ZNF665: variants seen among roughly 807,000 people sequenced by gnomAD.
The protein encoded by ZNF665 is zinc finger protein 665.
In ZNF665, 6 loss-of-function variants were observed where a neutral mutation model predicts 7.9. The observed-to-expected ratio is 0.76, with a 90% confidence interval of 0.42 to 1.50. The LOEUF (loss-of-function observed/expected upper bound fraction) is 1.50. Among genes scored for constraint, ZNF665 ranks in the 40% most tolerant of loss-of-function variants. ZNF665 has a pLI of 0.01. For synonymous variants in ZNF665, 242 were observed against 274.5 expected, an observed-to-expected ratio of 0.88 and a Z score of 1.17; for missense variants, 819 against 806.7, an observed-to-expected ratio of 1.02 and a Z score of -0.18.
intron 2 of ZNF665, among the ~76,000 whole-genome samples, chr19:53,176,357 AC>A (rs1312989879): frequency 8.5e-5 from 13 of 152,124 alleles, no homozygotes; most frequent in Non-Finnish European, 1.3e-4. Flanking sequence ...AGCATCTGGG[AC>A]AGATGATAAC....
chr19:53,189,339 GC>G (rs1437594264), intron 1 of ZNF665, among the ~76,000 whole-genome samples: 3 of 151,620 alleles, frequency 2.0e-5, no homozygotes, highest in Non-Finnish European at 4.4e-5. Flanking sequence ...TACCACCAAT[GC>G]ACGGAGACCG....
intron 3 of ZNF665, among the ~76,000 whole-genome samples, chr19:53,172,058 T>C (rs1339624640): frequency 6.6e-6 from 1 of 152,180 alleles, no homozygotes; most frequent in Non-Finnish European, 1.5e-5. Flanking sequence ...CCGGCCAGAT[T>C]TGTGTATTTT....
intron 1 of ZNF665, among the ~76,000 whole-genome samples, chr19:53,184,677 G>C (rs571037335): frequency 8.5e-5 from 13 of 152,292 alleles, no homozygotes; most frequent in Middle Eastern, 3.4e-3. Flanking sequence ...GTGTGGAGAC[G>C]AGAGAGCTTA....
Position 53,164,771 on chromosome 19 carries a change from A to C in ZNF665, c.1719T>G (p.Asn573Lys). 6.2e-7 allele frequency: 1 copy of C among 1,614,230 alleles called. No homozygotes were observed. The highest frequency in any genetic ancestry group is 2.2e-5 in the East Asian group (1 of 44,888). The change falls in exon 4 of 4, where the codon AAT becomes AAG. Residue 573 changes from asparagine to lysine, a missense_variant. Asn to Lys is a moderately conservative substitution (Grantham distance 94, BLOSUM62 0). Coordinates refer to ENST00000396424, the MANE Select transcript of ZNF665 (RefSeq NM_024733.5). ...GTACACTAAATGCTTTGCCGCACTC[A>C]TTACACTTATAAGGTTTCTCACCAG... Reference protein sequence around the residue: ...IHTGEKPYKCNECGKAFSVHS... With the variant: ...IHTGEKPYKCKECGKAFSVHS...
chr19:53,170,284 G>A (rs899835187), intron 3 of ZNF665, among the ~76,000 whole-genome samples: 4 of 152,108 alleles, frequency 2.6e-5, no homozygotes, highest in African/African-American at 9.7e-5. Context: ...TTGTATAATG[G>A]CAAACTACAG....
chr19:53,191,070 G>T (rs566888081), intron 1 of ZNF665, among the ~76,000 whole-genome samples: 11 of 140,256 alleles, frequency 7.8e-5, no homozygotes, highest in Non-Finnish European at 1.5e-4. Flanking sequence ...CAATGGATCC[G>T]AAGCTCCGAA....
chr19:53,191,294 T>C (rs11666426), intron 1 of ZNF665, among the ~76,000 whole-genome samples: 50,206 of 151,174 alleles, frequency 0.33, 9,295 homozygotes, highest in Middle Eastern at 0.52. Flanking sequence ...TACTTGATTA[T>C]GAGAGTGGGA....
chr19:53,175,369 T>G (rs1381305801), intron 3 of ZNF665, 76 bp downstream of exon 3: 1 of 1,550,556 alleles, frequency 6.4e-7, no homozygotes, highest in Non-Finnish European at 8.7e-7. Context: ...ATGCAGGGGC[T>G]CTCAAGAGAC....
rs945748950 is a variant in ZNF665, at chr19:53,182,821, C to T, written c.15+63G>A. The T allele has an allele frequency of 4.3e-6, 7 of 1,611,900 alleles. No individual in the cohort carries two copies. The Admixed American group carries it at 6.7e-5, about 15-fold the overall frequency. On this transcript the variant is annotated intron_variant, in intron 2 of 3. Transcript: ENST00000396424. ...CTTCAGACTCAGAGAAGATTCCCAA[C>T]TCCAAGGTCCAAGGTTTCTGAAAGG... is the stretch of plus-strand genomic sequence containing the variant.
At chr19:53,185,131 G>A (rs1253966926) in intron 1 of ZNF665, among the ~76,000 whole-genome samples, 2 of 151,826 alleles carry the variant, frequency 1.3e-5, no homozygotes, top group African/African-American at 2.4e-5. Flanking sequence ...GAGCCTGACT[G>A]ATGTCAGGCC....
At position 53,166,157 on chromosome 19, in the gene ZNF665, TG is replaced by T; in HGVS notation, c.332del (p.Thr111LysfsTer33). 1 of 1,613,958 alleles carries T rather than the reference TG, an allele frequency of 6.2e-7. No homozygotes were observed. Among genetic ancestry groups the T allele is most frequent in the Non-Finnish European group, 8.5e-7 (1 of 1,179,878 alleles). On this transcript the variant is annotated frameshift_variant, in exon 4 of 4. Coordinates refer to ENST00000396424, the MANE Select transcript of ZNF665 (RefSeq NM_024733.5). LOFTEE classifies it low-confidence loss of function (END_TRUNC). ...QWKDDEGNYK[T>X]VLMLQKENLP... ...GATTTTCTTTTTGCAACATAAGTACTGTTTTATAATTTCCTTCATCATCTTT... is the reference window on the plus strand; with the variant it reads ...GATTTTCTTTTTGCAACATAAGTACTTTTTATAATTTCCTTCATCATCTTT...
Position 53,165,855 on chromosome 19 carries a change from C to T in ZNF665, c.635G>A (p.Gly212Asp), listed in dbSNP as rs2090609182. Reference sequence around the variant, plus strand: ...GTTTGAACGAACAGTAAAGGCTTTGCCACACTTATTACACTGGTAAGGCTT... The same window carrying T: ...GTTTGAACGAACAGTAAAGGCTTTGTCACACTTATTACACTGGTAAGGCTT... ...GEKPYQCNKC[G>D]KAFTVRSNLT... is the part of the protein sequence containing the mutation. The change falls in exon 4 of 4, where the codon GGC (glycine) becomes GAC (aspartate). Residue 212 changes from glycine to aspartate, a missense_variant. Transcript: ENST00000396424. The T allele has an allele frequency of 1.2e-6, 2 of 1,614,038 alleles. No homozygotes were observed. Among genetic ancestry groups the T allele is most frequent in the Non-Finnish European group, 1.7e-6 (2 of 1,180,014 alleles).
In ZNF665 at chr19:53,183,075, G is replaced by GTC. The variant is rs2090750599; in HGVS notation, c.-45-133_-45-132insGA. 4.1e-6 allele frequency: 4 copies of GTC among 985,776 alleles called. No homozygotes were observed. In the Admixed American group the frequency reaches 7.7e-5, roughly 19 times the overall value. 61.1% of individuals were successfully genotyped at this position (985,776 alleles called of 1,614,324 possible). On this transcript the variant is annotated intron_variant, in intron 1 of 3. Transcript: ENST00000396424. ...CAGGGAAGACCTTATACACAGGGAA[G>GTC]ATGGTCCTCTGCTGCCCACTGCACC...
In ZNF665 at chr19:53,163,765, G is replaced by C. The variant is rs1599866324; in HGVS notation, c.*688C>G. The C allele has an allele frequency of 6.6e-6, 1 of 152,126 alleles. No homozygotes were observed. The highest frequency in any genetic ancestry group is 2.4e-5 in the African/African-American group (1 of 41,426). The allele number at this position is 152,126 out of a possible 1,614,324, so 9.4% of individuals were successfully genotyped here. ...CATGTAATGAGTTTTAACACATTTGGACTTCTGATTATGCTGAAGTATATA... is the reference window on the plus strand; with the variant it reads ...CATGTAATGAGTTTTAACACATTTGCACTTCTGATTATGCTGAAGTATATA... On this transcript the variant is annotated 3_prime_UTR_variant, in exon 4 of 4. Coordinates refer to ENST00000396424, the MANE Select transcript of ZNF665 (RefSeq NM_024733.5).
chr19:53,177,975 C>CCCAGGTGT (rs2090710905), intron 2 of ZNF665, among the ~76,000 whole-genome samples: 2 of 152,138 alleles, frequency 1.3e-5, no homozygotes, highest in African/African-American at 4.8e-5. Flanking sequence ...TAAAATTAAA[C>CCCAGGTGT]CTAAGCAATC....
chr19:53,165,339 C>T lies in ZNF665; in HGVS notation c.1151G>A (p.Ser384Asn), dbSNP rs1227776592. The T allele has an allele frequency of 5.6e-6, 9 of 1,614,026 alleles. No individual in the cohort carries two copies. The highest frequency in any genetic ancestry group is 4.5e-5 in the East Asian group (2 of 44,878). ...YKCNECGKAF[S>N]MHSNLTKHQI... ...ATGCTTAGTTAAGTTTGAATGCATA[C>T]TGAAGGCTTTCCCACACTCATTACA... The change falls in exon 4 of 4, where the codon AGT becomes AAT. Residue 384 changes from serine to asparagine, a missense_variant. Physicochemically the swap from Ser to Asn is conservative, Grantham distance 46. Transcript: ENST00000396424.
At chr19:53,189,943 C>T (rs971386264) in intron 1 of ZNF665, among the ~76,000 whole-genome samples, 9 of 152,310 alleles carry the variant, frequency 5.9e-5, no homozygotes, top group East Asian at 3.9e-4. Context: ...ACAGAAGGCT[C>T]GCACTCTTGT....
chr19:53,173,656 A>T (rs1290455740), intron 3 of ZNF665, among the ~76,000 whole-genome samples: 2 of 152,066 alleles, frequency 1.3e-5, no homozygotes, highest in African/African-American at 4.8e-5. Flanking sequence ...TACAGGGGAA[A>T]GCCACCGCAT....
At position 53,179,512 on chromosome 19, in the gene ZNF665, A is replaced by C. The variant is rs11670682; in HGVS notation, c.15+3372T>G. On this transcript the variant is annotated intron_variant, in intron 2 of 3. Transcript: ENST00000396424. ...ACCCAGGCTGGAGTGCAGTGGGTTC[A>C]GGGAGCTTCCAGAGGGCTGACATGT... is the stretch of plus-strand genomic sequence containing the variant. 3.3e-5 allele frequency: 5 copies of C among 149,486 alleles called. No individual in the cohort carries two copies. In the East Asian group the frequency reaches 9.9e-4, roughly 30 times the overall value. The allele number at this position is 149,486 out of a possible 1,614,324, so 9.3% of individuals were successfully genotyped here.
Sources: gnomAD v4.1 joint callset for allele counts (sites outside exome capture counted in the v4.1 genomes callset) on GRCh38, gnomAD v4.1.1 for gene constraint, MANE v1.5 for transcripts, NCBI Gene and HGNC (gene_info 2026-07-23, HGNC 2026-07-21) for gene names.